Variants in REEP4 observed in about 807,000 individuals in gnomAD.
REEP4 encodes the protein receptor expression-enhancing protein 4.
Under a neutral mutation model 33.5 loss-of-function variants are expected in REEP4, and 17 were observed. The ratio of observed to expected loss-of-function variants is 0.51; its 90% CI spans 0.35 to 0.76. REEP4 has a LOEUF of 0.76. Ranked by LOEUF, REEP4 falls within the 30% of genes least tolerant of loss-of-function variation. The pLI is 0.01. For missense variants in REEP4, 340 were observed against 357.9 expected (o/e 0.95, Z 0.40); for synonymous variants, 157 against 142.9 (o/e 1.10, Z -0.70).
rs753721041 is a variant in REEP4 at position 22,139,949 on chromosome 8, TC to T, written c.303+13del. 1 of 1,577,170 alleles carries T rather than the reference TC, an allele frequency of 6.3e-7. No homozygotes were observed. The highest frequency in any genetic ancestry group is 1.2e-5 in the South Asian group (1 of 86,628). On this transcript the variant is annotated intron_variant, in intron 4 of 7. Transcript: ENST00000306306. Reference sequence around the variant, plus strand: ...CCACCCCTAAGCCTCCCTTCCCGCTTCCCCCTGGGGTACCTTCTCATGGCGG... The same window carrying T: ...CCACCCCTAAGCCTCCCTTCCCGCTTCCCCTGGGGTACCTTCTCATGGCGG...
intron 2 of REEP4, 127 bp from the exon 3 acceptor site, chr8:22,140,375 G>C: frequency 1.0e-6 from 1 of 999,556 alleles, no homozygotes; most frequent in Non-Finnish European, 1.6e-6. Context: ...CACATGGCTG[G>C]ACAGGAGCTC....
intron 4 of REEP4, 58 bp from the exon 5 acceptor site, chr8:22,139,587 C>T: frequency 1.4e-6 from 2 of 1,391,406 alleles, no homozygotes; most frequent in Middle Eastern, 1.8e-4. Flanking sequence ...TCTTCCTCTG[C>T]AGATTCTGAG....
chr8:22,139,078 G>C lies in REEP4; in HGVS notation c.418-17C>G, dbSNP rs1482015701. 1 of 1,562,704 alleles carries C rather than the reference G, an allele frequency of 6.4e-7. No individual in the cohort carries two copies. Among genetic ancestry groups the C allele is most frequent in the East Asian group, 2.3e-5 (1 of 44,322 alleles). ...CCCCTGACTCTGCGAGGGGGAAGAG[G>C]CTTCAGCGGGGAGGCTGCCCAGGGA... On this transcript the variant is annotated splice_polypyrimidine_tract_variant and intron_variant, in intron 5 of 7. Transcript: ENST00000306306.
chr8:22,138,887 TC>T (rs774929061), intron 6 of REEP4, 38 bp downstream of exon 6: 61 of 1,548,074 alleles, frequency 3.9e-5, no homozygotes, highest in African/African-American at 5.5e-5. Context: ...AAGGAAGCCA[TC>T]CCTCCTGGCA....
At chr8:22,140,975 G>A (rs1827221174) in intron 1 of REEP4, among the ~76,000 whole-genome samples, 1 of 152,194 alleles carries the variant, frequency 6.6e-6, no homozygotes, top group South Asian at 2.1e-4. Context: ...ACACCAGACT[G>A]TCCCCTCCCA....
intron 7 of REEP4, 43 bp downstream of exon 7, chr8:22,138,596 G>A (rs1482083235): frequency 6.2e-7 from 1 of 1,613,780 alleles, no homozygotes; most frequent in African/African-American, 1.3e-5. Flanking sequence ...GGGAGCACCA[G>A]CCAGCAGAGC....
chr8:22,138,379 G>T lies in REEP4; in HGVS notation c.*108C>A. 2.3e-6 allele frequency: 3 copies of T among 1,323,322 alleles called. No individual in the cohort carries two copies. Among genetic ancestry groups the T allele is most frequent in the South Asian group, 1.2e-5 (1 of 84,180 alleles). The allele number at this position is 1,323,322 out of a possible 1,614,324, so 82.0% of individuals were successfully genotyped here. ...CCATCAGCAGGAGTCAGGAGGGTGGGGCCCAGGCAGCTGGTGCAGGCAGGC... is the reference window on the plus strand; with the variant it reads ...CCATCAGCAGGAGTCAGGAGGGTGGTGCCCAGGCAGCTGGTGCAGGCAGGC... On this transcript the variant is annotated 3_prime_UTR_variant, in exon 8 of 8. Coordinates refer to ENST00000306306, the MANE Select transcript of REEP4 (RefSeq NM_025232.4).
Position 22,138,933 on chromosome 8 carries a change from T to C in REEP4, c.546A>G (p.Pro182=). ...YLEDQVSHRR[P]PIGYRAGGLQ... is the part of the protein sequence containing the mutation. ...GCCCCTCTGCCCGCTCACCAATGGG[T>C]GGCCTCCGGTGGGACACCTGGTCCT... is the stretch of plus-strand genomic sequence containing the variant. Residue 182 remains proline (P), a synonymous_variant, in exon 6 of 8, where the codon CCA becomes CCG. Transcript: ENST00000306306. 1 of 1,585,358 alleles carries C rather than the reference T, an allele frequency of 6.3e-7. No individual in the cohort carries two copies. Among genetic ancestry groups the C allele is most frequent in the African/African-American group, 1.4e-5 (1 of 73,882 alleles).
rs1214619397 is a variant in REEP4, at chr8:22,138,806, G to A, written c.554-13C>T. On this transcript the variant is annotated splice_polypyrimidine_tract_variant and intron_variant, in intron 6 of 7. Coordinates refer to ENST00000306306, the MANE Select transcript of REEP4 (RefSeq NM_025232.4). The stretch of plus-strand genomic sequence containing the variant: ...CCGGCCCGGTACCCTGTGTGGAGGA[G>A]GAGGTGAAGCTGAAAGCCTGCGACC... 1.3e-6 allele frequency: 2 copies of A among 1,585,132 alleles called. No homozygotes were observed. Among genetic ancestry groups the A allele is most frequent in the South Asian group, 2.3e-5 (2 of 87,926 alleles).
chr8:22,141,492 CT>C lies in REEP4; in HGVS notation c.-11del. On this transcript the variant is annotated 5_prime_UTR_variant, in exon 1 of 8. Transcript: ENST00000306306. The stretch of plus-strand genomic sequence containing the variant: ...TCATCCAGGACACCATCTTGCCGGC[CT>C]TTGGGACGTGGGGAGGACCCCAGGA... 6.3e-7 allele frequency: 1 copy of C among 1,588,994 alleles called. No homozygotes were observed. The highest frequency in any genetic ancestry group is 8.6e-7 in the Non-Finnish European group (1 of 1,168,998).
chr8:22,141,366 T>C, intron 1 of REEP4, 85 bp downstream of exon 1: 1 of 1,495,716 alleles, frequency 6.7e-7, no homozygotes, highest in Non-Finnish European at 9.1e-7. Flanking sequence ...AGAAAGTTCC[T>C]CCTCCCACTA....
chr8:22,138,622 C>T lies in REEP4; in HGVS notation c.708+17G>A, dbSNP rs779598356. The T allele has an allele frequency of 2.0e-5, 33 of 1,613,822 alleles. No homozygotes were observed. The highest frequency in any genetic ancestry group is 2.5e-5 in the Non-Finnish European group (30 of 1,180,022). On this transcript the variant is annotated intron_variant, in intron 7 of 7. Coordinates refer to ENST00000306306, the MANE Select transcript of REEP4 (RefSeq NM_025232.4). ...CCAGCAGAGCCCTCCTCCCTCCTGT[C>T]GTCCTCCCACACTGACCTCCCGCAC...
intron 6 of REEP4, 64 bp from the exon 7 acceptor site, chr8:22,138,857 G>A: frequency 6.4e-7 from 1 of 1,553,774 alleles, no homozygotes; most frequent in South Asian, 1.2e-5. Context: ...CGAGCCTTGG[G>A]GGAAGCCATG....
chr8:22,141,200 G>C (rs149922457), intron 1 of REEP4, among the ~76,000 whole-genome samples: 1 of 152,264 alleles, frequency 6.6e-6, no homozygotes, highest in African/African-American at 2.4e-5. Context: ...TGTGGCCCTC[G>C]GCTCCACGCA....
chr8:22,139,066 G>A lies in REEP4; in HGVS notation c.418-5C>T, dbSNP rs760864136. On this transcript the variant is annotated splice_region_variant and splice_polypyrimidine_tract_variant and intron_variant, in intron 5 of 7. Transcript: ENST00000306306. ...GCCGGCCAGCGCCCCCTGACTCTGC[G>A]AGGGGGAAGAGGCTTCAGCGGGGAG... 88 of 1,563,200 alleles carry A rather than the reference G, an allele frequency of 5.6e-5. No individual in the cohort carries two copies. The highest frequency in any genetic ancestry group is 1.9e-4 in the South Asian group (16 of 82,966).
At position 22,139,274 on chromosome 8, in the gene REEP4, G is replaced by A. The variant is rs530354489; in HGVS notation, c.417+142C>T. The A allele has an allele frequency of 1.5e-3, 1,352 of 924,942 alleles. 3 individuals carry two copies. The highest frequency in any genetic ancestry group is 2.1e-3 in the Non-Finnish European group (1,223 of 588,908). The allele number at this position is 924,942 out of a possible 1,614,324, so 57.3% of individuals were successfully genotyped here. ...AAGGAAGGTCTGACTCCAGCTCCAC[G>A]CTTCTGCCAATACCCCCCCGTCACC... On this transcript the variant is annotated intron_variant, in intron 5 of 7. Coordinates refer to ENST00000306306, the MANE Select transcript of REEP4 (RefSeq NM_025232.4).
rs1827214781 is a variant in REEP4, at chr8:22,140,642, T to TCACAGCCTTATA, written c.87_88insTATAAGGCTGTG (p.Thr29_Lys30insTyrLysAlaVal). On this transcript the variant is annotated inframe_insertion, in exon 2 of 8. Coordinates refer to ENST00000306306, the MANE Select transcript of REEP4 (RefSeq NM_025232.4). ...ACGCTCACATATTCACGAATGTTCT[T>TCACAGCCTTATA]GGTCTTCACAGCCTTATAGGAAGCA... 6.2e-7 allele frequency: 1 copy of TCACAGCCTTATA among 1,613,850 alleles called. No homozygotes were observed. The highest frequency in any genetic ancestry group is 8.5e-7 in the Non-Finnish European group (1 of 1,179,870).
intron 2 of REEP4, 101 bp downstream of exon 2, chr8:22,140,524 G>A (rs897572179): frequency 9.4e-7 from 1 of 1,060,924 alleles, no homozygotes; most frequent in South Asian, 1.4e-5. Context: ...ACTCCACTCA[G>A]GATGTGCCAC....
rs146312249 is a variant in REEP4, at chr8:22,140,195, G to A, written c.159C>T (p.Ile53=). The change falls in exon 3 of 8, where the codon ATC becomes ATT. Residue 53 remains isoleucine, a synonymous_variant. Transcript: ENST00000306306. ...IVFALFMAAE[I]VTDIFISWFP... ...ACCAGGAGATAAAAATGTCTGTAACGATCTCTGCTGCCATGAAGAGTGCAA... is the reference window on the plus strand; with the variant it reads ...ACCAGGAGATAAAAATGTCTGTAACAATCTCTGCTGCCATGAAGAGTGCAA... 55 of 1,614,008 alleles carry A rather than the reference G, an allele frequency of 3.4e-5. No homozygotes were observed. The African/African-American group carries it at 4.8e-4, about 14-fold the overall frequency.
Sources: gnomAD v4.1 joint callset for allele counts (sites outside exome capture counted in the v4.1 genomes callset) on GRCh38, gnomAD v4.1.1 for gene constraint, MANE v1.5 for transcripts, NCBI Gene and HGNC (gene_info 2026-07-23, HGNC 2026-07-21) for gene names.